The following OXR1 variants were observed in gnomAD, a reference collection of about 807,000 sequenced individuals.
OXR1 encodes oxidation resistance 1, also known as oxidation resistance protein 1.
Under a neutral mutation model 104.6 loss-of-function variants are expected in OXR1, and 41 were observed. The ratio of observed to expected loss-of-function variants is 0.39; its 90% CI spans 0.31 to 0.51. The LOEUF (loss-of-function observed/expected upper bound fraction) is 0.51, where lower values mean the gene tolerates loss of function less well. OXR1 is among the 20% of genes least tolerant of loss of function. The pLI is 0.77. For synonymous variants in OXR1, 348 were observed against 348.4 expected (o/e 1.00, Z 0.01); for missense variants, 955 against 1,031.9 (o/e 0.93, Z 1.02).
chr8:106,511,391 A>G (rs894923677), intron 2 of OXR1, among the ~76,000 whole-genome samples: 4 of 152,208 alleles, frequency 2.6e-5, no homozygotes, highest in Admixed American at 6.5e-5. Context: ...TAGCTCTTTT[A>G]GGAAGCAAAG....
At chr8:106,637,986 T>G (rs929893822) in intron 3 of OXR1, among the ~76,000 whole-genome samples, 1 of 151,990 alleles carries the variant, frequency 6.6e-6, no homozygotes, top group Non-Finnish European at 1.5e-5. Flanking sequence ...AGGATGGTCT[T>G]GATCTCCTGA....
chr8:106,418,203 A>G (rs1053618152), intron 2 of OXR1, among the ~76,000 whole-genome samples: 12 of 152,158 alleles, frequency 7.9e-5, no homozygotes, highest in African/African-American at 2.9e-4. Context: ...AAGAATGAAG[A>G]CTGCAAATTT....
At chr8:106,744,439 C>A (rs1230087022) in intron 15 of OXR1, among the ~76,000 whole-genome samples, 2 of 152,254 alleles carry the variant, frequency 1.3e-5, no homozygotes, top group Non-Finnish European at 2.9e-5. Context: ...TGGCACCAAA[C>A]ACAAATTATG....
At chr8:106,418,493 T>G (rs1818771078) in intron 2 of OXR1, among the ~76,000 whole-genome samples, 2 of 152,066 alleles carry the variant, frequency 1.3e-5, no homozygotes, top group South Asian at 2.1e-4. Context: ...GTCTGATTTT[T>G]TTTAATGATG....
chr8:106,429,695 A>G (rs1461043702), intron 2 of OXR1, among the ~76,000 whole-genome samples: 1 of 151,810 alleles, frequency 6.6e-6, no homozygotes, highest in Non-Finnish European at 1.5e-5. Flanking sequence ...TTATCAGATA[A>G]TGTGTGATAT....
intron 3 of OXR1, among the ~76,000 whole-genome samples, chr8:106,642,137 T>C (rs905908127): frequency 6.6e-6 from 1 of 152,138 alleles, no homozygotes; most frequent in Admixed American, 6.5e-5. Context: ...ACAAATACTG[T>C]AAAATTGAAA....
intron 1 of OXR1, among the ~76,000 whole-genome samples, chr8:106,308,259 C>G (rs1011933638): frequency 2.0e-5 from 3 of 152,144 alleles, no homozygotes; most frequent in African/African-American, 7.2e-5. Context: ...ATTTCCATCT[C>G]AAGGAGACAG....
chr8:106,334,110 T>A (rs905119596), intron 1 of OXR1, among the ~76,000 whole-genome samples: 21 of 152,228 alleles, frequency 1.4e-4, no homozygotes, highest in African/African-American at 5.1e-4. Flanking sequence ...TAAACATGTC[T>A]GTACTTGCTT....
At chr8:106,376,063 G>T (rs1389112881) in intron 2 of OXR1, among the ~76,000 whole-genome samples, 1 of 152,024 alleles carries the variant, frequency 6.6e-6, no homozygotes, top group Non-Finnish European at 1.5e-5. Flanking sequence ...TACCCAGGCT[G>T]GTCTCAAACT....
chr8:106,449,101 C>G (rs1218872190), intron 2 of OXR1, among the ~76,000 whole-genome samples: 8 of 152,024 alleles, frequency 5.3e-5, no homozygotes, highest in African/African-American at 1.9e-4. Context: ...AGCCAGAAAA[C>G]AACAATTATC....
intron 6 of OXR1, among the ~76,000 whole-genome samples, chr8:106,687,558 A>G (rs1828855920): frequency 6.6e-6 from 1 of 152,102 alleles, no homozygotes. Flanking sequence ...CATCTTTACT[A>G]AAAATACAAA....
chr8:106,315,335 G>A (rs976565021), intron 1 of OXR1, among the ~76,000 whole-genome samples: 2 of 151,788 alleles, frequency 1.3e-5, no homozygotes, highest in African/African-American at 2.4e-5. Context: ...TTTTCTTCCC[G>A]TTTTCTCTAT....
At chr8:106,473,178 A>C (rs1332784746) in intron 2 of OXR1, among the ~76,000 whole-genome samples, 1 of 151,802 alleles carries the variant, frequency 6.6e-6, no homozygotes, top group Non-Finnish European at 1.5e-5. Context: ...TAAAATGACC[A>C]CTCAAGTGTT....
At chr8:106,672,716 G>A (rs1334983193) in intron 3 of OXR1, among the ~76,000 whole-genome samples, 2 of 152,130 alleles carry the variant, frequency 1.3e-5, no homozygotes, top group Non-Finnish European at 1.5e-5. Context: ...AAACCAGGTG[G>A]AGGGAATTGG....
intron 1 of OXR1, among the ~76,000 whole-genome samples, chr8:106,333,269 G>A (rs1814799559): frequency 6.6e-6 from 1 of 152,018 alleles, no homozygotes; most frequent in Non-Finnish European, 1.5e-5. Flanking sequence ...AATATATGGA[G>A]ATTCAAGTTT....
At chr8:106,416,791 T>A (rs1818698772) in intron 2 of OXR1, among the ~76,000 whole-genome samples, 1 of 152,250 alleles carries the variant, frequency 6.6e-6, no homozygotes, top group East Asian at 1.9e-4. Context: ...TAATATTTTT[T>A]AAATATTTGC....
chr8:106,665,092 T>G (rs941287701), intron 3 of OXR1, among the ~76,000 whole-genome samples: 3 of 152,200 alleles, frequency 2.0e-5, no homozygotes, highest in Admixed American at 6.5e-5. Flanking sequence ...AGAGAATTAT[T>G]TACTCAGTTA....
intron 3 of OXR1, among the ~76,000 whole-genome samples, chr8:106,622,485 A>C (rs78167299): frequency 2.5e-3 from 334 of 131,464 alleles, no homozygotes; most frequent in East Asian, 5.8e-3. Context: ...ACACACACAC[A>C]CCCCTTACTT....
At chr8:106,596,371 A>G (rs1368897193) in intron 3 of OXR1, among the ~76,000 whole-genome samples, 2 of 151,932 alleles carry the variant, frequency 1.3e-5, no homozygotes, top group African/African-American at 4.8e-5. Flanking sequence ...ACTTGAACCC[A>G]GGAGGCATAG....
Sources: allele counts gnomAD v4.1 joint callset (sites outside exome capture counted in the v4.1 genomes callset), GRCh38; gene constraint gnomAD v4.1.1; transcripts MANE v1.5; gene names NCBI Gene and HGNC (gene_info 2026-07-23, HGNC 2026-07-21).